GRIN2A: variants seen among roughly 807,000 people sequenced by gnomAD.
GRIN2A encodes the protein glutamate receptor ionotropic, NMDA 2A.
Under a neutral mutation model 113.4 loss-of-function variants are expected in GRIN2A, and 22 were observed. The observed-to-expected ratio is 0.19, with a 90% CI of 0.14 to 0.28. The LOEUF (loss-of-function observed/expected upper bound fraction) is 0.28, where lower values mean the gene tolerates loss of function less well. GRIN2A is among the 10% of genes least tolerant of loss of function. GRIN2A has a pLI of 1.00. For missense variants in GRIN2A, 1,502 were observed against 1,887.0 expected, an observed-to-expected ratio of 0.80 and a Z score of 3.78; for synonymous variants, 827 against 738.4, an observed-to-expected ratio of 1.12 and a Z score of -1.94.
At chr16:10,062,117 C>A (rs1030430417) in intron 2 of GRIN2A, among the ~76,000 whole-genome samples, 3 of 152,116 alleles carry the variant, frequency 2.0e-5, no homozygotes, top group Admixed American at 2.0e-4. Context: ...AACCCAGGTC[C>A]GGTACTTGCT....
rs762481265 is a variant in GRIN2A at position 10,180,412 on chromosome 16, A to T, written c.-1T>A. 6.2e-7 allele frequency: 1 copy of T among 1,605,094 alleles called. No homozygotes were observed. ...GGGTCCAATAGCCCACTCTGCCCAT[A>T]GTCGCCACTGACGGTCCCTGCAAGG... On this transcript the variant is annotated 5_prime_UTR_variant, in exon 2 of 13. Coordinates refer to ENST00000330684, the MANE Select transcript of GRIN2A (RefSeq NM_001134407.3). This position sits in a 1 kb window ranked among gnomAD's most constrained non-coding sequence, Gnocchi z 7.0.
intron 2 of GRIN2A, among the ~76,000 whole-genome samples, chr16:10,141,619 T>G (rs2049328338): frequency 6.6e-6 from 1 of 152,220 alleles, no homozygotes; most frequent in Non-Finnish European, 1.5e-5. Context: ...TTCAGTTACA[T>G]CACCCACCTT....
chr16:9,829,359 T>G, intron 9 of GRIN2A, 64 bp downstream of exon 9: 9 of 1,017,366 alleles, frequency 8.8e-6, no homozygotes, highest in Non-Finnish European at 1.4e-5. Context: ...CTGAATCTCT[T>G]CCTCCTGAAA....
At chr16:9,778,519 CACAT>C (rs1227829661) in intron 11 of GRIN2A, among the ~76,000 whole-genome samples, 3 of 152,118 alleles carry the variant, frequency 2.0e-5, no homozygotes, top group African/African-American at 7.2e-5. Context: ...GTGTTTTAAA[CACAT>C]ACAGATTTAA....
chr16:9,896,619 C>A (rs943571798), intron 3 of GRIN2A, among the ~76,000 whole-genome samples: 1 of 152,108 alleles, frequency 6.6e-6, no homozygotes, highest in South Asian at 2.1e-4. Context: ...GGGTGAATGA[C>A]TCCATATACT....
At chr16:9,980,259 A>C (rs999834053) in intron 2 of GRIN2A, among the ~76,000 whole-genome samples, 4 of 150,462 alleles carry the variant, frequency 2.7e-5, no homozygotes, top group Non-Finnish European at 5.9e-5. Context: ...GACAACAGAG[A>C]CTGTCTCAAA....
intron 10 of GRIN2A, among the ~76,000 whole-genome samples, chr16:9,805,979 T>G (rs1484102888): frequency 6.6e-6 from 1 of 152,188 alleles, no homozygotes; most frequent in East Asian, 1.9e-4. Context: ...TAGAATCACA[T>G]TTTGATTCTG....
intron 4 of GRIN2A, among the ~76,000 whole-genome samples, chr16:9,860,439 G>T (rs2043045484): frequency 2.2e-5 from 2 of 89,304 alleles, no homozygotes; most frequent in African/African-American, 5.8e-5. Context: ...CAGAGCAAGA[G>T]TCTCTCAAAA....
At chr16:9,954,579 AG>A (rs1175009460) in intron 2 of GRIN2A, among the ~76,000 whole-genome samples, 2 of 152,202 alleles carry the variant, frequency 1.3e-5, no homozygotes, top group African/African-American at 4.8e-5. Flanking sequence ...CTGCAGAATG[AG>A]TCCTTTTCTA....
chr16:9,835,827 C>T (rs2042575389), intron 7 of GRIN2A, among the ~76,000 whole-genome samples: 1 of 152,036 alleles, frequency 6.6e-6, no homozygotes, highest in Admixed American at 6.6e-5. Context: ...TAACAAGAAA[C>T]TAATATGTCC....
intron 2 of GRIN2A, among the ~76,000 whole-genome samples, chr16:10,025,842 A>G (rs978916475): frequency 1.3e-5 from 2 of 152,124 alleles, no homozygotes; most frequent in African/African-American, 4.8e-5. Context: ...CTTACTGCAA[A>G]CCCTGGAGGC....
chr16:10,122,511 G>A (rs1000776110), intron 2 of GRIN2A, among the ~76,000 whole-genome samples: 4 of 152,088 alleles, frequency 2.6e-5, no homozygotes, highest in African/African-American at 9.7e-5. Context: ...GGTCATTAGA[G>A]GCATGCGGCT....
chr16:10,013,747 T>G (rs1250432278), intron 2 of GRIN2A, among the ~76,000 whole-genome samples: 1 of 152,176 alleles, frequency 6.6e-6, no homozygotes, highest in African/African-American at 2.4e-5. Flanking sequence ...TCATCTAAAC[T>G]CTCCTTAAAA....
chr16:10,044,022 TAGAG>T (rs1555469980), intron 2 of GRIN2A, among the ~76,000 whole-genome samples: 11 of 108,006 alleles, frequency 1.0e-4, no homozygotes, highest in African/African-American at 1.6e-4. Flanking sequence ...TATATATATA[TAGAG>T]AGAGAGAGAG....
intron 2 of GRIN2A, among the ~76,000 whole-genome samples, chr16:10,146,998 A>G (rs1305610864): frequency 2.0e-5 from 3 of 152,018 alleles, no homozygotes; most frequent in Admixed American, 1.3e-4. Context: ...GCTAAACTCA[A>G]CCCTGGAGAC....
chr16:10,027,913 C>G (rs1298895694), intron 2 of GRIN2A, among the ~76,000 whole-genome samples: 1 of 152,204 alleles, frequency 6.6e-6, no homozygotes, highest in Non-Finnish European at 1.5e-5. Context: ...TTTCCACCCT[C>G]GAGCTGTCCC....
At chr16:9,956,501 T>A (rs926133356) in intron 2 of GRIN2A, among the ~76,000 whole-genome samples, 1 of 152,196 alleles carries the variant, frequency 6.6e-6, no homozygotes, top group Non-Finnish European at 1.5e-5. Context: ...ATGTCAATTA[T>A]CACTTAACTG....
chr16:9,985,242 A>G (rs2045958919), intron 2 of GRIN2A, among the ~76,000 whole-genome samples: 1 of 152,356 alleles, frequency 6.6e-6, no homozygotes, highest in Admixed American at 6.5e-5. Flanking sequence ...TATGGGGCCA[A>G]TTATTTATAT....
At chr16:10,086,083 C>A (rs1468529062) in intron 2 of GRIN2A, among the ~76,000 whole-genome samples, 1 of 152,134 alleles carries the variant, frequency 6.6e-6, no homozygotes, top group Non-Finnish European at 1.5e-5. Flanking sequence ...GTCCTGCACA[C>A]AGTAGGCACT....
Sources: gnomAD v4.1 joint callset for allele counts (sites outside exome capture counted in the v4.1 genomes callset) on GRCh38, gnomAD v4.1.1 for gene constraint, Gnocchi (gnomAD v3.1) non-coding constraint, MANE v1.5 for transcripts, NCBI Gene and HGNC (gene_info 2026-07-23, HGNC 2026-07-21) for gene names.